The following EIF2B3 variants were observed in gnomAD, a reference collection of about 807,000 sequenced individuals.
EIF2B3 encodes translation initiation factor eIF2B subunit gamma.
A neutral mutation model predicts 54.1 loss-of-function variants in EIF2B3; 20 were observed. The observed-to-expected ratio is 0.37, with a 90% CI of 0.26 to 0.54. The LOEUF (loss-of-function observed/expected upper bound fraction) is 0.54. Ranked by LOEUF, EIF2B3 falls within the 20% of genes least tolerant of loss-of-function variation. EIF2B3 has a pLI of 0.86. For missense variants in EIF2B3, 448 were observed against 547.8 expected, an observed-to-expected ratio of 0.82 and a Z score of 1.82; for synonymous variants, 153 against 188.1, an observed-to-expected ratio of 0.81 and a Z score of 1.52.
In EIF2B3 at chr1:44,881,714, G is replaced by A. The variant is rs776180767; in HGVS notation, c.682C>T (p.Leu228=). The change falls in exon 7 of 12, where the codon CTG becomes TTG. Residue 228 remains leucine, a synonymous_variant. Coordinates refer to ENST00000360403, the MANE Select transcript of EIF2B3 (RefSeq NM_020365.5). This position sits in a 1 kb window ranked among gnomAD's most constrained non-coding sequence, Gnocchi z 4.0. ...NGSITSIRSE[L]IPYLVRKQFS... ...TGTTTTCTCACTAAATATGGAATCA[G>A]TTCACTCCGGATAGAAGTTATTGAC... 1.9e-6 allele frequency: 3 copies of A among 1,614,050 alleles called. No homozygotes were observed. In the African/African-American group the frequency reaches 4.0e-5, roughly 22 times the overall value.
intron 10 of EIF2B3, among the ~76,000 whole-genome samples, chr1:44,860,492 C>T (rs539333216): frequency 6.6e-6 from 1 of 152,264 alleles, no homozygotes; most frequent in African/African-American, 2.4e-5. Context: ...ATTTTTATCT[C>T]TGATGCACTA....
chr1:44,947,591 A>G (rs1217008582), intron 3 of EIF2B3, among the ~76,000 whole-genome samples: 1 of 152,142 alleles, frequency 6.6e-6, no homozygotes, highest in Non-Finnish European at 1.5e-5. Flanking sequence ...TGTTATAAAT[A>G]ACACAATCTG....
chr1:44,941,675 G>A lies in EIF2B3; in HGVS notation c.295-10C>T. ...GCACCAGCACATCTGTCTGTTAAATGGAGATGGGAAAAGTCAATATCATAA... is the reference window on the plus strand; with the variant it reads ...GCACCAGCACATCTGTCTGTTAAATAGAGATGGGAAAAGTCAATATCATAA... On this transcript the variant is annotated splice_polypyrimidine_tract_variant and intron_variant, in intron 3 of 11. Transcript: ENST00000360403. 6.2e-7 allele frequency: 1 copy of A among 1,614,052 alleles called. No homozygotes were observed. The highest frequency in any genetic ancestry group is 1.1e-5 in the South Asian group (1 of 91,076).
chr1:44,901,007 G>A (rs1643283682), intron 5 of EIF2B3, among the ~76,000 whole-genome samples: 1 of 151,978 alleles, frequency 6.6e-6, no homozygotes, highest in South Asian at 2.1e-4. Context: ...CCATCACCCA[G>A]GCATGATCAA....
intron 3 of EIF2B3, among the ~76,000 whole-genome samples, chr1:44,963,189 T>C (rs896372005): frequency 6.6e-6 from 1 of 150,470 alleles, no homozygotes; most frequent in South Asian, 2.1e-4. Context: ...TACTCCAGCC[T>C]GGGCAAGAGT....
intron 11 of EIF2B3, 62 bp downstream of exon 11, chr1:44,857,642 T>C: frequency 2.7e-6 from 4 of 1,494,700 alleles, no homozygotes; most frequent in Non-Finnish European, 3.7e-6. Flanking sequence ...TCACCAGCCT[T>C]TGGCATTATC....
intron 6 of EIF2B3, among the ~76,000 whole-genome samples, chr1:44,894,898 CCTT>C (rs1655915343): frequency 6.6e-6 from 1 of 152,152 alleles, no homozygotes; most frequent in African/African-American, 2.4e-5. Flanking sequence ...GCTTTCAAGA[CCTT>C]CTACATGCTG....
chr1:44,973,256 C>A (rs1330194142), intron 3 of EIF2B3, among the ~76,000 whole-genome samples: 2 of 152,226 alleles, frequency 1.3e-5, no homozygotes. Flanking sequence ...TCCATATTCA[C>A]AGCTGCATTA....
Position 44,879,854 on chromosome 1 carries a change from C to A in EIF2B3, c.939G>T (p.Val313=), listed in dbSNP as rs758682335. The change falls in exon 8 of 12, where the codon GTG becomes GTT. Residue 313 remains valine (V), a synonymous_variant. Transcript: ENST00000360403. ...HIMKEGLCSR[V]STLGLYMEAN... is the part of the protein sequence containing the mutation. ...CTTCCATGTAGAGTCCCAGTGTGCT[C>A]ACTCGAGAGCAGAGCCCCTCTTTCA... is the stretch of plus-strand genomic sequence containing the variant. 1.9e-6 allele frequency: 3 copies of A among 1,613,988 alleles called. No homozygotes were observed. Among genetic ancestry groups the A allele is most frequent in the African/African-American group, 2.7e-5 (2 of 74,928 alleles).
At chr1:44,908,737 G>C (rs1361381866) in intron 5 of EIF2B3, among the ~76,000 whole-genome samples, 4 of 152,180 alleles carry the variant, frequency 2.6e-5, no homozygotes, top group African/African-American at 9.7e-5. Flanking sequence ...AAATTCTGGA[G>C]AATGTTGAAA....
intron 11 of EIF2B3, 125 bp from the exon 12 acceptor site, chr1:44,851,128 A>G (rs929452716): frequency 4.0e-5 from 35 of 882,996 alleles, no homozygotes; most frequent in Admixed American, 2.5e-4. Flanking sequence ...GCAGTGGCAC[A>G]ATCTCGGCTT....
intron 6 of EIF2B3, among the ~76,000 whole-genome samples, chr1:44,889,369 C>T (rs1655720414): frequency 6.6e-6 from 1 of 151,972 alleles, no homozygotes; most frequent in South Asian, 2.1e-4. Flanking sequence ...AATGGCATCT[C>T]TACTAAAAAT....
intron 5 of EIF2B3, among the ~76,000 whole-genome samples, chr1:44,911,235 G>A (rs1457784293): frequency 6.6e-6 from 1 of 152,192 alleles, no homozygotes; most frequent in Non-Finnish European, 1.5e-5. Context: ...AGGAATGAGA[G>A]AATATTTTTA....
intron 3 of EIF2B3, among the ~76,000 whole-genome samples, chr1:44,971,122 G>A (rs1264786546): frequency 6.6e-6 from 1 of 152,160 alleles, no homozygotes; most frequent in Non-Finnish European, 1.5e-5. Context: ...AGTGGCTCAC[G>A]CCTATAATCC....
intron 10 of EIF2B3, among the ~76,000 whole-genome samples, chr1:44,866,358 A>G (rs1043401358): frequency 6.7e-6 from 1 of 150,122 alleles, no homozygotes; most frequent in Non-Finnish European, 1.5e-5. Flanking sequence ...AGATTGTGCC[A>G]TTGCACTCCA....
At chr1:44,959,374 CT>C in intron 3 of EIF2B3, 2 of 546,896 alleles carry the variant, frequency 3.7e-6, no homozygotes, top group Non-Finnish European at 6.7e-6. Context: ...CTAGCAGGGC[CT>C]TCAAAGTAAA....
At chr1:44,984,686 T>C (rs1006208994) in intron 1 of EIF2B3, among the ~76,000 whole-genome samples, 1 of 152,058 alleles carries the variant, frequency 6.6e-6, no homozygotes, top group Non-Finnish European at 1.5e-5. Flanking sequence ...GTAAATTTTC[T>C]ATGCCTCAAT....
Position 44,922,836 on chromosome 1 carries a change from ATTTTT to A in EIF2B3, c.566+3787_566+3791del, listed in dbSNP as rs386366852. 7.2e-3 allele frequency among the ~76,000 whole-genome samples: 406 copies of A among 56,618 alleles called. 1 individual carries two copies. Among genetic ancestry groups the A allele is most frequent in the Non-Finnish European group, 0.01 (329 of 31,630 alleles). 37.1% of individuals were successfully genotyped at this position (56,618 alleles called of 152,430 possible). On this transcript the variant is annotated intron_variant, in intron 5 of 11. Transcript: ENST00000360403. ...ATTACTTTCTTGATTTCTTTTTCAGATTTTTTTTTTTTTTTTTTTTTTTTTTTGAG... is the reference window on the plus strand; with the variant it reads ...ATTACTTTCTTGATTTCTTTTTCAGATTTTTTTTTTTTTTTTTTTTTTGAG...
chr1:44,955,311 T>G (rs771255042), intron 3 of EIF2B3, among the ~76,000 whole-genome samples: 13 of 152,156 alleles, frequency 8.5e-5, no homozygotes, highest in Admixed American at 2.0e-4. Flanking sequence ...TGGCTAGCCA[T>G]ATGTAGAAAG....
Sources: gnomAD v4.1 joint callset for allele counts (sites outside exome capture counted in the v4.1 genomes callset) on GRCh38, gnomAD v4.1.1 for gene constraint, Gnocchi (gnomAD v3.1) non-coding constraint, MANE v1.5 for transcripts, NCBI Gene and HGNC (gene_info 2026-07-23, HGNC 2026-07-21) for gene names.